Variants in RAB6A observed in about 807,000 individuals in gnomAD.
RAB6A encodes RAB6A, member RAS oncogene family.
RAB6A carries 8 observed loss-of-function variants against 32.3 expected under a neutral mutation model. The observed-to-expected ratio is 0.25, with a 90% CI of 0.15 to 0.45. RAB6A has a LOEUF of 0.45. Ranked by LOEUF, RAB6A falls within the 20% of genes least tolerant of loss-of-function variation. RAB6A has a pLI of 1.00. For synonymous variants in RAB6A, 73 were observed against 82.1 expected (o/e 0.89, Z 0.60); for missense variants, 104 against 249.4 (o/e 0.42, Z 3.93).
At chr11:73,738,836 TGA>T (rs1230573338) in intron 1 of RAB6A, among the ~76,000 whole-genome samples, 1 of 150,636 alleles carries the variant, frequency 6.6e-6, no homozygotes, top group African/African-American at 2.4e-5. Context: ...CCCAGTTACT[TGA>T]GAGGCTGAGC....
chr11:73,722,250 A>G (rs1946143381), intron 2 of RAB6A: 1 of 137,126 alleles, frequency 7.3e-6, no homozygotes, highest in Admixed American at 7.7e-5. Flanking sequence ...GTTCCTAAGT[A>G]TTTTATTCTT....
intron 5 of RAB6A, among the ~76,000 whole-genome samples, chr11:73,713,628 T>C (rs921467271): frequency 2.0e-5 from 3 of 151,982 alleles, no homozygotes; most frequent in African/African-American, 7.3e-5. Context: ...GTCAATCTAA[T>C]AGGAGAATAT....
intron 5 of RAB6A, among the ~76,000 whole-genome samples, chr11:73,709,896 TAC>T (rs1279779226): frequency 1.8e-4 from 26 of 147,344 alleles, no homozygotes; most frequent in Admixed American, 1.4e-3. Context: ...TACATATATA[TAC>T]ACACACATAT....
At chr11:73,695,524 C>A (rs572863367) in intron 6 of RAB6A, among the ~76,000 whole-genome samples, 1 of 152,020 alleles carries the variant, frequency 6.6e-6, no homozygotes, top group Non-Finnish European at 1.5e-5. Flanking sequence ...GGATTACAGG[C>A]GCGTGACACC....
At chr11:73,755,930 A>G (rs533909859) in intron 1 of RAB6A, among the ~76,000 whole-genome samples, 1 of 152,018 alleles carries the variant, frequency 6.6e-6, no homozygotes, top group Non-Finnish European at 1.5e-5. Context: ...AAAGAAGAGG[A>G]GGAGGAGGAA....
intron 3 of RAB6A, among the ~76,000 whole-genome samples, chr11:73,719,869 G>A (rs898607530): frequency 5.3e-5 from 8 of 151,852 alleles, no homozygotes; most frequent in African/African-American, 1.5e-4. Flanking sequence ...GTCCATCCTG[G>A]CCTCCCAAAG....
chr11:73,746,771 A>T (rs36087309), intron 1 of RAB6A, among the ~76,000 whole-genome samples: 57 of 102,540 alleles, frequency 5.6e-4, no homozygotes, highest in Admixed American at 3.7e-3. Context: ...GAAATAAATT[A>T]AAAAAAAAAA....
rs1256062067 is a variant in RAB6A, at chr11:73,679,723, G to A, written c.496-3C>T. ...GCTGCTGCTACACGTCGAAAGAGCT[G>A]TGGGAAAGAGAGAAAAGTGATAACT... On this transcript the variant is annotated splice_polypyrimidine_tract_variant and splice_region_variant and intron_variant, in intron 6 of 7. Coordinates refer to ENST00000336083, the MANE Select transcript of RAB6A (RefSeq NM_198896.2). 2 of 1,574,564 alleles carry A rather than the reference G, an allele frequency of 1.3e-6. No homozygotes were observed. The highest frequency in any genetic ancestry group is 1.7e-6 in the Non-Finnish European group (2 of 1,157,234).
intron 6 of RAB6A, among the ~76,000 whole-genome samples, chr11:73,690,574 T>C (rs1347444173): frequency 6.6e-6 from 1 of 151,088 alleles, no homozygotes; most frequent in Non-Finnish European, 1.5e-5. Flanking sequence ...TTTTTAACAT[T>C]TTCAAATAAT....
chr11:73,746,505 C>T (rs537414340), intron 1 of RAB6A, among the ~76,000 whole-genome samples: 1 of 151,900 alleles, frequency 6.6e-6, no homozygotes, highest in Non-Finnish European at 1.5e-5. Context: ...GAGACTCTGT[C>T]TCTTAAAAAA....
At chr11:73,728,274 T>G (rs1295453974) in intron 2 of RAB6A, among the ~76,000 whole-genome samples, 1 of 152,230 alleles carries the variant, frequency 6.6e-6, no homozygotes, top group African/African-American at 2.4e-5. Context: ...ATTAAGTATA[T>G]AAGATGTGGC....
intron 1 of RAB6A, among the ~76,000 whole-genome samples, chr11:73,757,348 T>TG (rs1269909511): frequency 1.3e-5 from 2 of 149,626 alleles, no homozygotes; most frequent in South Asian, 2.1e-4. Context: ...GGCCATGGGG[T>TG]GGGGGGGAGC....
rs562553481 is a variant in RAB6A at position 73,678,051 on chromosome 11, T to C, written c.563-89A>G. On this transcript the variant is annotated intron_variant, in intron 7 of 7. Coordinates refer to ENST00000336083, the MANE Select transcript of RAB6A (RefSeq NM_198896.2). ...ATTTCTGGGATGGCCCTTATATTCC[T>C]ATCTGTCTTCAGAGCCTACACACTC... 5 of 1,343,694 alleles carry C rather than the reference T, an allele frequency of 3.7e-6. No individual in the cohort carries two copies. In the South Asian group the frequency reaches 4.8e-5, roughly 13 times the overall value. The allele number at this position is 1,343,694 out of a possible 1,614,324, so 83.2% of individuals were successfully genotyped here.
chr11:73,760,775 G>C lies in RAB6A; in HGVS notation c.-140C>G. Reference sequence around the variant, plus strand: ...CCTGCAAGGCCCGGTGGAGGAGCCCGGCTGGAGGGCAGCAGGACTCTCCAC... The same window carrying C: ...CCTGCAAGGCCCGGTGGAGGAGCCCCGCTGGAGGGCAGCAGGACTCTCCAC... On this transcript the variant is annotated 5_prime_UTR_variant, in exon 1 of 8. Transcript: ENST00000336083. 1 of 1,209,440 alleles carries C rather than the reference G, an allele frequency of 8.3e-7. No individual in the cohort carries two copies. The highest frequency in any genetic ancestry group is 1.2e-6 in the Non-Finnish European group (1 of 862,556). The allele number at this position is 1,209,440 out of a possible 1,614,324, so 74.9% of individuals were successfully genotyped here. A position where few individuals can be genotyped will look rare whatever the true frequency, so the allele number is the denominator to read the frequency against.
At chr11:73,713,474 A>G (rs1181641807) in intron 5 of RAB6A, among the ~76,000 whole-genome samples, 1 of 152,016 alleles carries the variant, frequency 6.6e-6, no homozygotes, top group Non-Finnish European at 1.5e-5. Flanking sequence ...AGGCTGAGGC[A>G]GGAGAATGGC....
intron 6 of RAB6A, among the ~76,000 whole-genome samples, chr11:73,701,062 T>TAATAAAAGC (rs1337037602): frequency 3.9e-5 from 6 of 152,206 alleles, no homozygotes; most frequent in African/African-American, 1.4e-4. Flanking sequence ...TTTTTAAGCT[T>TAATAAAAGC]TTATTATGTG....
intron 1 of RAB6A, chr11:73,760,216 C>A: frequency 2.3e-6 from 2 of 854,860 alleles, no homozygotes; most frequent in Admixed American, 2.6e-5. Context: ...AAGGGTGGGG[C>A]TCAAGAAAGG....
chr11:73,703,724 G>C (rs1241757758), intron 6 of RAB6A, among the ~76,000 whole-genome samples: 1 of 151,650 alleles, frequency 6.6e-6, no homozygotes, highest in Non-Finnish European at 1.5e-5. Context: ...CTGGGCAACA[G>C]AGCAAGACTG....
chr11:73,705,978 A>G (rs967720092), intron 6 of RAB6A, among the ~76,000 whole-genome samples: 10 of 151,930 alleles, frequency 6.6e-5, no homozygotes, highest in South Asian at 2.1e-4. Context: ...TAGGAAAGGG[A>G]AAAAAAATGA....
Sources: allele counts gnomAD v4.1 joint callset (sites outside exome capture counted in the v4.1 genomes callset), GRCh38; gene constraint gnomAD v4.1.1; transcripts MANE v1.5; gene names NCBI Gene and HGNC (gene_info 2026-07-23, HGNC 2026-07-21).